Variants in LEPR observed in about 807,000 individuals in gnomAD.
LEPR encodes OB receptor.
Under a neutral mutation model 114.7 loss-of-function variants are expected in LEPR, and 56 were observed. The observed-to-expected ratio is 0.49, with a 90% CI of 0.39 to 0.61. The LOEUF is 0.61. Ranked by LOEUF, LEPR falls within the 20% of genes least tolerant of loss-of-function variation. The probability of loss-of-function intolerance (pLI) is 0.00; values close to 1 mark genes in which losing one functional copy is unlikely to be tolerated. For synonymous variants in LEPR, 443 were observed against 461.4 expected (o/e 0.96, Z 0.51); for missense variants, 1,202 against 1,352.9 (o/e 0.89, Z 1.75).
At chr1:65,484,643 G>A (rs529189424) in intron 2 of LEPR, among the ~76,000 whole-genome samples, 1 of 152,300 alleles carries the variant, frequency 6.6e-6, no homozygotes, top group African/African-American at 2.4e-5. Flanking sequence ...AGTGCCATCA[G>A]ATCAGAATCC....
rs555126805 is a variant in LEPR at position 65,529,097 on chromosome 1, G to A, written c.-20-36449G>A. On this transcript the variant is annotated intron_variant, in intron 2 of 19. Coordinates refer to ENST00000349533, the MANE Select transcript of LEPR (RefSeq NM_002303.6). ...CAAAGTGCTGGGATTACAGGTGTGA[G>A]CCATCATGCCTGGCCCAAAAAAAGT... Among the ~76,000 whole-genome samples, 25 of 152,084 alleles carry A rather than the reference G, an allele frequency of 1.6e-4. 1 individual carries two copies. The highest frequency in any genetic ancestry group is 6.0e-4 in the African/African-American group (25 of 41,486).
rs1401745485 is a variant in LEPR, at chr1:65,589,845, A to G, written c.495-2812A>G. Among the ~76,000 whole-genome samples the G allele has an allele frequency of 3.3e-5, 5 of 152,160 alleles. No individual in the cohort carries two copies. The East Asian group carries it at 9.6e-4, about 29-fold the overall frequency. ...CAGCTTTATAATACATTTTGAAGTT[A>G]GGTATTGTTATTCTTCAAAATATGT... On this transcript the variant is annotated intron_variant, in intron 5 of 19. Transcript: ENST00000349533.
chr1:65,608,486 T>G (rs1260810151), intron 11 of LEPR, among the ~76,000 whole-genome samples: 1 of 152,148 alleles, frequency 6.6e-6, no homozygotes, highest in Non-Finnish European at 1.5e-5. Flanking sequence ...ATGGTTCAAT[T>G]TCTAATCAGG....
At chr1:65,488,041 T>G (rs979484641) in intron 2 of LEPR, among the ~76,000 whole-genome samples, 5 of 150,780 alleles carry the variant, frequency 3.3e-5, no homozygotes, top group Non-Finnish European at 4.4e-5. Flanking sequence ...TCTTTGTTTC[T>G]TTCTTTCCTC....
In LEPR at chr1:65,488,226, C is replaced by CTCTCTTTCTTTCTT. The variant is rs1553157734; in HGVS notation, c.-21+62851_-21+62852insCTTTCTTTCTTTCT. The stretch of plus-strand genomic sequence containing the variant: ...TTTCTTTCTTTCTCTCTCTCTCTCT[C>CTCTCTTTCTTTCTT]TCTTTCTTTCTTTCTTTCTTTCTTT... On this transcript the variant is annotated intron_variant, in intron 2 of 19. Transcript: ENST00000349533. 5.0e-4 allele frequency among the ~76,000 whole-genome samples: 34 copies of CTCTCTTTCTTTCTT among 67,958 alleles called. 1 individual carries two copies. In the South Asian group the frequency reaches 8.0e-3, roughly 16 times the overall value. The allele number at this position is 67,958 out of a possible 152,430, so 44.6% of individuals were successfully genotyped here. A position where few individuals can be genotyped will look rare whatever the true frequency, so the allele number is the denominator to read the frequency against.
In LEPR at chr1:65,526,652, TC is replaced by T. The variant is rs1293648846; in HGVS notation, c.-20-38893del. On this transcript the variant is annotated intron_variant, in intron 2 of 19. Transcript: ENST00000349533. ...CGGCTCTGGAATTGGAATCAGAAAA[TC>T]TGAGTTTTGGTGTGATTTCCATTTT... is the stretch of plus-strand genomic sequence containing the variant. Among the ~76,000 whole-genome samples the T allele has an allele frequency of 1.2e-4, 19 of 152,204 alleles. No individual in the cohort carries two copies. In the East Asian group the frequency reaches 2.9e-3, roughly 23 times the overall value.
chr1:65,521,442 C>T (rs1267203010), intron 2 of LEPR, among the ~76,000 whole-genome samples: 4 of 152,180 alleles, frequency 2.6e-5, no homozygotes, highest in South Asian at 2.1e-4. Context: ...TTAATGACAT[C>T]TAGCGACTCC....
chr1:65,459,078 A>G (rs1646913005), intron 2 of LEPR, among the ~76,000 whole-genome samples: 1 of 152,192 alleles, frequency 6.6e-6, no homozygotes, highest in Non-Finnish European at 1.5e-5. Context: ...TTATCTGGCT[A>G]AGAGCTCTGC....
Position 65,499,700 on chromosome 1 carries a change from T to C in LEPR, c.-20-65846T>C, listed in dbSNP as rs1648344242. On this transcript the variant is annotated intron_variant, in intron 2 of 19. Coordinates refer to ENST00000349533, the MANE Select transcript of LEPR (RefSeq NM_002303.6). ...ACCACATTTCCATTCCCACTGTCCCTTAGGATCAAATCTGCAGACATCTTC... is the reference window on the plus strand; with the variant it reads ...ACCACATTTCCATTCCCACTGTCCCCTAGGATCAAATCTGCAGACATCTTC... Among the ~76,000 whole-genome samples, 5 of 152,162 alleles carry C rather than the reference T, an allele frequency of 3.3e-5. No homozygotes were observed. In the South Asian group the frequency reaches 1.0e-3, roughly 31 times the overall value.
chr1:65,616,213 C>T lies in LEPR; in HGVS notation c.2201C>T (p.Pro734Leu). Reference sequence around the variant, plus strand: ...AATTTTAATTTAACCTTTTCATGGCCTATGAGCAAAGGTAAGAAGAGGTAC... The same window carrying T: ...AATTTTAATTTAACCTTTTCATGGCTTATGAGCAAAGGTAAGAAGAGGTAC... ...VANFNLTFSW[P>L]MSKVNIVQSL... The change falls in exon 15 of 20, where the codon CCT becomes CTT. Residue 734 changes from proline (P) to leucine (L), a missense_variant. Pro to Leu is a moderately conservative substitution (Grantham distance 98). Transcript: ENST00000349533. 1 of 1,613,818 alleles carries T rather than the reference C, an allele frequency of 6.2e-7. No individual in the cohort carries two copies. Among genetic ancestry groups the T allele is most frequent in the South Asian group, 1.1e-5 (1 of 91,066 alleles).
chr1:65,575,469 C>A (rs374488907), intron 5 of LEPR, among the ~76,000 whole-genome samples: 10 of 150,830 alleles, frequency 6.6e-5, no homozygotes, highest in Non-Finnish European at 1.0e-4. Flanking sequence ...AAAAAAAAAT[C>A]AAAAAGATCC....
At chr1:65,583,084 A>C (rs975520276) in intron 5 of LEPR, among the ~76,000 whole-genome samples, 3 of 152,232 alleles carry the variant, frequency 2.0e-5, no homozygotes, top group African/African-American at 7.2e-5. Flanking sequence ...AAAGACAGAC[A>C]GAACTGTGAT....
chr1:65,502,199 T>C (rs1327455601), intron 2 of LEPR, among the ~76,000 whole-genome samples: 3 of 152,050 alleles, frequency 2.0e-5, no homozygotes, highest in Admixed American at 2.0e-4. Flanking sequence ...GCTATTAAGG[T>C]GAACCCTAAT....
chr1:65,610,335 T>A, intron 14 of LEPR, 39 bp downstream of exon 14: 1 of 1,514,464 alleles, frequency 6.6e-7, no homozygotes, highest in Non-Finnish European at 9.1e-7. Context: ...ATTGTATTTT[T>A]ATACTCTTAA....
chr1:65,522,960 A>G (rs1441451436), intron 2 of LEPR, among the ~76,000 whole-genome samples: 1 of 151,886 alleles, frequency 6.6e-6, no homozygotes, highest in East Asian at 1.9e-4. Flanking sequence ...TAATTTGCTT[A>G]GCTGCTTGGT....
chr1:65,428,590 T>G (rs1646424880), intron 2 of LEPR, among the ~76,000 whole-genome samples: 1 of 152,214 alleles, frequency 6.6e-6, no homozygotes, highest in Non-Finnish European at 1.5e-5. Flanking sequence ...TGCCTAGATC[T>G]GTGGCTGGAA....
intron 16 of LEPR, 99 bp downstream of exon 16, chr1:65,618,245 A>T (rs1657648840): frequency 1.9e-6 from 2 of 1,043,838 alleles, no homozygotes; most frequent in Non-Finnish European, 2.8e-6. Flanking sequence ...AACTTCAAAA[A>T]TATAGAGGAT....
intron 5 of LEPR, among the ~76,000 whole-genome samples, chr1:65,591,133 A>G (rs1655667103): frequency 6.6e-6 from 1 of 152,002 alleles, no homozygotes; most frequent in African/African-American, 2.4e-5. Context: ...TCAGTTTCCA[A>G]CTATTTAGGG....
chr1:65,542,698 G>A (rs1000903849), intron 2 of LEPR, among the ~76,000 whole-genome samples: 4 of 151,916 alleles, frequency 2.6e-5, no homozygotes, highest in African/African-American at 9.7e-5. Flanking sequence ...CCACTTGTGA[G>A]TGAGAACATG....
Sources: allele counts gnomAD v4.1 joint callset (sites outside exome capture counted in the v4.1 genomes callset), GRCh38; gene constraint gnomAD v4.1.1; transcripts MANE v1.5; gene names NCBI Gene and HGNC (gene_info 2026-07-23, HGNC 2026-07-21).